The following CAV1 variants were observed in gnomAD, a reference collection of about 807,000 sequenced individuals.
CAV1 encodes caveolin 1, also known as caveolin-1.
In CAV1, 10 loss-of-function variants were observed where a neutral mutation model predicts 16.5. The ratio of observed to expected loss-of-function variants is 0.61; its 90% confidence interval spans 0.37 to 1.03. The LOEUF is 1.03. CAV1 is among the 50% of genes least tolerant of loss of function. The pLI is 0.01. For missense variants in CAV1, 212 were observed against 232.8 expected, an observed-to-expected ratio of 0.91 and a Z score of 0.58; for synonymous variants, 76 against 85.1, an observed-to-expected ratio of 0.89 and a Z score of 0.59.
At chr7:116,554,485 G>C (rs1794224500) in intron 2 of CAV1, among the ~76,000 whole-genome samples, 2 of 152,192 alleles carry the variant, frequency 1.3e-5, no homozygotes, top group Non-Finnish European at 2.9e-5. Context: ...TAGGGAAAAA[G>C]TATGAAGCAC....
At chr7:116,543,801 G>A (rs1217555167) in intron 2 of CAV1, among the ~76,000 whole-genome samples, 3 of 152,090 alleles carry the variant, frequency 2.0e-5, no homozygotes, top group Non-Finnish European at 4.4e-5. Context: ...TAGTTCACAT[G>A]GCCCCATTTC....
intron 2 of CAV1, among the ~76,000 whole-genome samples, chr7:116,531,437 C>T (rs1362108608): frequency 6.6e-6 from 1 of 152,160 alleles, no homozygotes; most frequent in Non-Finnish European, 1.5e-5. Flanking sequence ...ATAATCAGAT[C>T]AGTTTTGGTT....
intron 2 of CAV1, chr7:116,526,896 C>A: frequency 1.6e-6 from 1 of 617,102 alleles, no homozygotes. Context: ...CCCATCTCCC[C>A]CCAATAGTTA....
chr7:116,539,084 G>A (rs1793884820), intron 2 of CAV1, among the ~76,000 whole-genome samples: 1 of 152,088 alleles, frequency 6.6e-6, no homozygotes, highest in South Asian at 2.1e-4. Context: ...CCTGCACCAG[G>A]CACGGAGCAC....
chr7:116,555,781 T>C (rs1352545935), intron 2 of CAV1, among the ~76,000 whole-genome samples: 2 of 152,056 alleles, frequency 1.3e-5, no homozygotes, highest in Admixed American at 6.6e-5. Flanking sequence ...CCAAGCTAAG[T>C]AATTTAAATA....
Position 116,553,561 on chromosome 7 carries a change from T to C in CAV1, c.196-5385T>C, listed in dbSNP as rs183731265. Among the ~76,000 whole-genome samples the C allele has an allele frequency of 1.9e-3, 287 of 152,218 alleles. 1 individual carries two copies. Among genetic ancestry groups the C allele is most frequent in the African/African-American group, 6.4e-3 (265 of 41,554 alleles). ...CATAAATTACAGAACAGAAAGTTGG[T>C]TGTGGGAGGAATAGCTCAACCTCAT... is the stretch of plus-strand genomic sequence containing the variant. On this transcript the variant is annotated intron_variant, in intron 2 of 2. Coordinates refer to ENST00000341049, the MANE Select transcript of CAV1 (RefSeq NM_001753.5).
intron 2 of CAV1, among the ~76,000 whole-genome samples, chr7:116,555,598 AAGAAAG>A (rs879384571): frequency 0.011 from 1,132 of 100,140 alleles, 62 homozygotes; most frequent in African/African-American, 0.019. Context: ...GAAAGAAAGA[AAGAAAG>A]AGAAAGAAAG....
intron 2 of CAV1, among the ~76,000 whole-genome samples, chr7:116,540,871 G>T (rs1464646325): frequency 6.6e-6 from 1 of 152,130 alleles, no homozygotes; most frequent in African/African-American, 2.4e-5. Context: ...CTGTGATGTG[G>T]AAAACCAAGA....
chr7:116,557,103 A>G (rs1327461302), intron 2 of CAV1, among the ~76,000 whole-genome samples: 1 of 152,134 alleles, frequency 6.6e-6, no homozygotes, highest in Non-Finnish European at 1.5e-5. Flanking sequence ...CACACAACTA[A>G]ATGTTTACCC....
chr7:116,526,216 G>A (rs960337925), intron 1 of CAV1: 6 of 973,538 alleles, frequency 6.2e-6, no homozygotes, highest in African/African-American at 3.5e-5. Context: ...GGGCGTGCGC[G>A]GGCGGGGGCC....
chr7:116,555,615 AAAGAAGGG>A (rs1794278067), intron 2 of CAV1, among the ~76,000 whole-genome samples: 2 of 126,900 alleles, frequency 1.6e-5, no homozygotes, highest in African/African-American at 2.7e-5. Context: ...AGAAAGAAAG[AAAGAAGGG>A]AGGGAGGGAG....
Position 116,555,508 on chromosome 7 carries a change from GAA to G in CAV1, c.196-3436_196-3435del, listed in dbSNP as rs1229389917. Among the ~76,000 whole-genome samples, 7 of 7,068 alleles carry G rather than the reference GAA, an allele frequency of 9.9e-4. 1 individual carries two copies. Among genetic ancestry groups the G allele is most frequent in the Admixed American group, 4.3e-3 (2 of 468 alleles). 4.6% of individuals were successfully genotyped at this position (7,068 alleles called of 152,430 possible). ...GAAAAGAAAGAAAGAAAGAAAGAAA[GAA>G]AGAAAGAAAGAGAGAGAGAGAGAGA... On this transcript the variant is annotated intron_variant, in intron 2 of 2. Transcript: ENST00000341049.
At chr7:116,530,977 A>T (rs1261443884) in intron 2 of CAV1, among the ~76,000 whole-genome samples, 1 of 152,226 alleles carries the variant, frequency 6.6e-6, no homozygotes, top group African/African-American at 2.4e-5. Flanking sequence ...CATGGTCCAG[A>T]TGTGAAATGA....
intron 1 of CAV1, 143 bp from the exon 2 acceptor site, chr7:116,526,382 C>A (rs1421158578): frequency 2.6e-6 from 4 of 1,525,338 alleles, no homozygotes; most frequent in Non-Finnish European, 3.5e-6. Context: ...CCGTAGCTGT[C>A]GGAGCGGTTA....
intron 2 of CAV1, among the ~76,000 whole-genome samples, chr7:116,547,676 G>A (rs931310388): frequency 1.3e-5 from 2 of 152,282 alleles, no homozygotes; most frequent in Admixed American, 6.5e-5. Context: ...AATGCCAAAA[G>A]GTTCTCCTTT....
At chr7:116,550,419 A>T (rs907182991) in intron 2 of CAV1, among the ~76,000 whole-genome samples, 16 of 152,156 alleles carry the variant, frequency 1.1e-4, no homozygotes, top group Admixed American at 3.3e-4. Context: ...ACCCCCGTCA[A>T]CACAGGCATC....
intron 2 of CAV1, among the ~76,000 whole-genome samples, chr7:116,539,241 C>G (rs1793889568): frequency 6.6e-6 from 1 of 152,108 alleles, no homozygotes; most frequent in African/African-American, 2.4e-5. Flanking sequence ...TGGCATTCAT[C>G]AAAGCCTTCC....
At chr7:116,542,181 C>T (rs2116020254) in intron 2 of CAV1, among the ~76,000 whole-genome samples, 1 of 152,342 alleles carries the variant, frequency 6.6e-6, no homozygotes, top group South Asian at 2.1e-4. Context: ...TCCACTCCCT[C>T]CTACACGTTG....
intron 2 of CAV1, among the ~76,000 whole-genome samples, chr7:116,542,384 G>A (rs1238055158): frequency 6.6e-6 from 1 of 152,138 alleles, no homozygotes; most frequent in African/African-American, 2.4e-5. Context: ...GATTTAATTG[G>A]TCTGTGGTGG....
Sources: gnomAD v4.1 joint callset for allele counts (sites outside exome capture counted in the v4.1 genomes callset) on GRCh38, gnomAD v4.1.1 for gene constraint, MANE v1.5 for transcripts, NCBI Gene and HGNC (gene_info 2026-07-23, HGNC 2026-07-21) for gene names.